The following FBXL7 variants were observed in gnomAD, a reference collection of about 807,000 sequenced individuals.
The protein encoded by FBXL7 is F-box and leucine rich repeat protein 7, also known as F-box/LRR-repeat protein 7.
A neutral mutation model predicts 38.3 loss-of-function variants in FBXL7; 12 were observed. That is an observed-to-expected ratio of 0.31 (90% confidence interval 0.20 to 0.51). FBXL7 has a LOEUF of 0.51. Among genes scored for constraint, FBXL7 ranks in the 20% least tolerant of loss-of-function variants. FBXL7 has a pLI of 0.98. For synonymous variants in FBXL7, 297 were observed against 300.9 expected, an observed-to-expected ratio of 0.99 and a Z score of 0.13; for missense variants, 567 against 676.4, an observed-to-expected ratio of 0.84 and a Z score of 1.79.
At position 15,927,876 on chromosome 5, in the gene FBXL7, C is replaced by G; in HGVS notation, c.128-14C>G. 6.6e-7 allele frequency: 1 copy of G among 1,512,412 alleles called. No individual in the cohort carries two copies. The allele number at this position is 1,512,412 out of a possible 1,614,324, so 93.7% of individuals were successfully genotyped here. A position where few individuals can be genotyped will look rare whatever the true frequency, so the allele number is the denominator to read the frequency against. ...GGCCATCATGATTAACCTTTGTTCT[C>G]TGTCCTTTGCCAGACTCCGACCTGA... On this transcript the variant is annotated splice_polypyrimidine_tract_variant and intron_variant, in intron 2 of 3. Coordinates refer to ENST00000504595, the MANE Select transcript of FBXL7 (RefSeq NM_012304.5).
intron 1 of FBXL7, among the ~76,000 whole-genome samples, chr5:15,604,606 C>CA (rs1739942390): frequency 3.3e-5 from 5 of 152,150 alleles, no homozygotes; most frequent in African/African-American, 7.2e-5. Flanking sequence ...CCACCTACCT[C>CA]GGCCTCCCAA....
rs912399546 is a variant in FBXL7 at position 15,928,467 on chromosome 5, C to T, written c.705C>T (p.Ser235=). The T allele has an allele frequency of 1.9e-6, 3 of 1,613,728 alleles. No individual in the cohort carries two copies. Among genetic ancestry groups the T allele is most frequent in the Non-Finnish European group, 2.5e-6 (3 of 1,179,696 alleles). The change falls in exon 3 of 4, where the codon TCC becomes TCT. Residue 235 remains serine (S), a synonymous_variant. Coordinates refer to ENST00000504595, the MANE Select transcript of FBXL7 (RefSeq NM_012304.5). This position sits in a 1 kb window ranked among gnomAD's most constrained non-coding sequence, Gnocchi z 4.0. ...ISNEAVFDVV[S]LCPNLEHLDV... ...ACGAGGCCGTCTTTGATGTGGTGTCCCTCTGCCCTAATCTGGAGCACCTGG... is the reference window on the plus strand; with the variant it reads ...ACGAGGCCGTCTTTGATGTGGTGTCTCTCTGCCCTAATCTGGAGCACCTGG...
chr5:15,698,519 AT>A (rs1450033431), intron 2 of FBXL7, among the ~76,000 whole-genome samples: 1 of 152,194 alleles, frequency 6.6e-6, no homozygotes, highest in Non-Finnish European at 1.5e-5. Flanking sequence ...GGTGTGGTAT[AT>A]CTATTTTTGT....
At chr5:15,790,226 A>G (rs531426524) in intron 2 of FBXL7, among the ~76,000 whole-genome samples, 5 of 152,294 alleles carry the variant, frequency 3.3e-5, no homozygotes, top group African/African-American at 1.2e-4. Flanking sequence ...ACTAGAGTCT[A>G]TCTAGTTATA....
chr5:15,726,383 G>T (rs962659602), intron 2 of FBXL7, among the ~76,000 whole-genome samples: 3 of 152,002 alleles, frequency 2.0e-5, no homozygotes, highest in Non-Finnish European at 4.4e-5. Context: ...GTACCTGTGA[G>T]TAGCCACTAC....
chr5:15,832,275 A>G (rs1007712074), intron 2 of FBXL7, among the ~76,000 whole-genome samples: 2 of 152,284 alleles, frequency 1.3e-5, no homozygotes, highest in South Asian at 4.1e-4. Flanking sequence ...GAAGCAAGTA[A>G]TCTTTGCGAA....
chr5:15,563,913 A>T (rs200097324), intron 1 of FBXL7, among the ~76,000 whole-genome samples: 7 of 152,012 alleles, frequency 4.6e-5, no homozygotes, highest in Non-Finnish European at 1.0e-4. Context: ...TTCAAAAAAA[A>T]ATGGGTGCTT....
chr5:15,819,774 C>T (rs1738122345), intron 2 of FBXL7, among the ~76,000 whole-genome samples: 1 of 152,164 alleles, frequency 6.6e-6, no homozygotes, highest in Non-Finnish European at 1.5e-5. Context: ...GCCACCAGCC[C>T]TGTACTTCAC....
intron 1 of FBXL7, among the ~76,000 whole-genome samples, chr5:15,590,164 T>C (rs1294675150): frequency 6.6e-6 from 1 of 152,232 alleles, no homozygotes; most frequent in Non-Finnish European, 1.5e-5. Context: ...GGGCCACGTT[T>C]ACTCCTCTGA....
chr5:15,591,696 AG>A (rs1407289847), intron 1 of FBXL7, among the ~76,000 whole-genome samples: 1 of 151,764 alleles, frequency 6.6e-6, no homozygotes, highest in African/African-American at 2.4e-5. Context: ...GTGAGGAATA[AG>A]GTTGGCCTCT....
At chr5:15,503,527 A>G (rs911630247) in intron 1 of FBXL7, among the ~76,000 whole-genome samples, 1 of 152,232 alleles carries the variant, frequency 6.6e-6, no homozygotes, top group Non-Finnish European at 1.5e-5. Context: ...AACTGTGTTT[A>G]AATAAGGCAA....
rs1740239337 is a variant in FBXL7, at chr5:15,877,033, A to G, written c.128-50857A>G. 2.6e-5 allele frequency among the ~76,000 whole-genome samples: 4 copies of G among 152,196 alleles called. No homozygotes were observed. The South Asian group carries it at 8.3e-4, about 31-fold the overall frequency. ...TGTGAATTTGCTTTTTCTAGATATC[A>G]GCGTTTATTCCAAATTCAGAAAGGT... On this transcript the variant is annotated intron_variant, in intron 2 of 3. Transcript: ENST00000504595.
At chr5:15,933,095 A>T (rs567685565) in intron 3 of FBXL7, among the ~76,000 whole-genome samples, 2 of 152,316 alleles carry the variant, frequency 1.3e-5, no homozygotes, top group South Asian at 4.1e-4. Context: ...TAATGTTTGA[A>T]TGTGTGAACT....
intron 1 of FBXL7, among the ~76,000 whole-genome samples, chr5:15,504,095 C>T (rs929819724): frequency 3.3e-5 from 5 of 152,232 alleles, no homozygotes; most frequent in Non-Finnish European, 7.3e-5. Flanking sequence ...TTATCACGTG[C>T]ATGTTAAAGT....
At chr5:15,535,017 C>T (rs868235252) in intron 1 of FBXL7, among the ~76,000 whole-genome samples, 2 of 152,154 alleles carry the variant, frequency 1.3e-5, no homozygotes, top group African/African-American at 4.8e-5. Context: ...CTCATGAGAT[C>T]TGATAGTTTA....
chr5:15,696,491 A>G lies in FBXL7; in HGVS notation c.127+80419A>G, dbSNP rs929010259. On this transcript the variant is annotated intron_variant, in intron 2 of 3. Transcript: ENST00000504595. ...TGTGCTGTAAGCTGAACCTCGACCT[A>G]AATTCTTGTTAATTAAGACTTTATC... 2.0e-5 allele frequency among the ~76,000 whole-genome samples: 3 copies of G among 152,120 alleles called. No homozygotes were observed. The South Asian group carries it at 6.2e-4, about 32-fold the overall frequency.
At chr5:15,686,282 A>T (rs1051200052) in intron 2 of FBXL7, among the ~76,000 whole-genome samples, 12 of 152,348 alleles carry the variant, frequency 7.9e-5, no homozygotes, top group Admixed American at 7.2e-4. Flanking sequence ...AGGATCATAA[A>T]GGAATAAATT....
chr5:15,885,438 C>T (rs528657360), intron 2 of FBXL7, among the ~76,000 whole-genome samples: 2 of 152,318 alleles, frequency 1.3e-5, no homozygotes, highest in South Asian at 4.1e-4. Flanking sequence ...AATCCACACA[C>T]TCCAGGGGAT....
chr5:15,555,824 T>TAGATAGATAGATA lies in FBXL7; in HGVS notation c.37+55111_37+55112insAGATAGATAGATA, dbSNP rs113432842. ...ATAGATAGATAGATAGATAGATAGG[T>TAGATAGATAGATA]GATAGATGAAAGATAGACACAGCAG... On this transcript the variant is annotated intron_variant, in intron 1 of 3. Coordinates refer to ENST00000504595, the MANE Select transcript of FBXL7 (RefSeq NM_012304.5). 3.3e-5 allele frequency among the ~76,000 whole-genome samples: 5 copies of TAGATAGATAGATA among 150,520 alleles called. No homozygotes were observed. In the South Asian group the frequency reaches 1.0e-3, roughly 31 times the overall value.
Sources: gnomAD v4.1 joint callset for allele counts (sites outside exome capture counted in the v4.1 genomes callset) on GRCh38, gnomAD v4.1.1 for gene constraint, Gnocchi (gnomAD v3.1) non-coding constraint, MANE v1.5 for transcripts, NCBI Gene and HGNC (gene_info 2026-07-23, HGNC 2026-07-21) for gene names.